Variants in NUP210L observed in about 807,000 individuals in gnomAD.
The protein encoded by NUP210L is nuclear pore membrane glycoprotein 210-like.
In NUP210L, 74 loss-of-function variants were observed where a neutral mutation model predicts 208.5. The observed-to-expected ratio is 0.35, with a 90% CI of 0.29 to 0.43. The LOEUF (loss-of-function observed/expected upper bound fraction) is 0.43, where lower values mean the gene tolerates loss of function less well. Ranked by LOEUF, NUP210L falls within the 20% of genes least tolerant of loss-of-function variation. NUP210L has a pLI of 1.00. For missense variants in NUP210L, 1,843 were observed against 2,289.4 expected (o/e 0.81, Z 3.98); for synonymous variants, 780 against 816.9 (o/e 0.95, Z 0.77).
Position 153,996,667 on chromosome 1 carries a change from C to T in NUP210L, c.5387-1487G>A, listed in dbSNP as rs555967697. On this transcript the variant is annotated intron_variant, in intron 37 of 39. Transcript: ENST00000368559. ...AACTCCTGACCTCAGGTGATCCACC[C>T]GCCTTGGCCTCCCAAAGTGCTGGAA... is the stretch of plus-strand genomic sequence containing the variant. Among the ~76,000 whole-genome samples the T allele has an allele frequency of 4.6e-5, 7 of 152,216 alleles. No homozygotes were observed. In the East Asian group the frequency reaches 1.4e-3, roughly 30 times the overall value.
chr1:154,096,867 G>A (rs1484794303), intron 14 of NUP210L, among the ~76,000 whole-genome samples: 1 of 152,028 alleles, frequency 6.6e-6, no homozygotes, highest in Non-Finnish European at 1.5e-5. Context: ...GATCCCTTGA[G>A]CCCAGGAATT....
chr1:153,999,455 TGGCCG>T (rs1474892654), intron 37 of NUP210L, among the ~76,000 whole-genome samples: 1 of 152,154 alleles, frequency 6.6e-6, no homozygotes, highest in Non-Finnish European at 1.5e-5. Context: ...TCAATAAGAT[TGGCCG>T]GGTGCGGTGG....
intron 17 of NUP210L, among the ~76,000 whole-genome samples, chr1:154,062,928 G>A (rs936745610): frequency 1.3e-5 from 2 of 151,912 alleles, no homozygotes; most frequent in African/African-American, 4.8e-5. Flanking sequence ...ACTTCACTTA[G>A]GTCAGTTTTA....
intron 10 of NUP210L, among the ~76,000 whole-genome samples, chr1:154,122,394 C>T (rs764245396): frequency 2.0e-5 from 3 of 152,190 alleles, no homozygotes; most frequent in African/African-American, 4.8e-5. Flanking sequence ...CGGTGGCTCA[C>T]GCCTGTAATC....
chr1:154,119,935 T>C (rs1237124288), intron 10 of NUP210L, among the ~76,000 whole-genome samples: 1 of 152,188 alleles, frequency 6.6e-6, no homozygotes, highest in Non-Finnish European at 1.5e-5. Flanking sequence ...GGTCAAATGG[T>C]ATTTCTAGTT....
intron 3 of NUP210L, 34 bp downstream of exon 3, chr1:154,143,412 A>C: frequency 1.3e-6 from 2 of 1,597,154 alleles, no homozygotes; most frequent in Non-Finnish European, 1.7e-6. Context: ...ACTTTATTTT[A>C]GGTAATTTTG....
intron 37 of NUP210L, among the ~76,000 whole-genome samples, chr1:153,996,257 A>G (rs896745048): frequency 6.6e-6 from 1 of 152,112 alleles, no homozygotes; most frequent in Non-Finnish European, 1.5e-5. Context: ...TCTCCACTGC[A>G]CTCCAGCCTG....
intron 37 of NUP210L, chr1:153,996,024 G>A (rs918375401): frequency 8.1e-6 from 3 of 370,092 alleles, no homozygotes; most frequent in South Asian, 2.1e-5. Flanking sequence ...CTGGCGTGGT[G>A]GCTCACACCT....
intron 33 of NUP210L, among the ~76,000 whole-genome samples, chr1:154,013,758 T>G (rs372368604): frequency 3.9e-5 from 6 of 152,208 alleles, no homozygotes; most frequent in South Asian, 4.2e-4. Flanking sequence ...TTGTAAGTTT[T>G]TTTGTTTGTT....
chr1:154,026,091 T>C (rs1571184766), intron 29 of NUP210L, among the ~76,000 whole-genome samples: 1 of 150,908 alleles, frequency 6.6e-6, no homozygotes, highest in Non-Finnish European at 1.5e-5. Context: ...AATTTTTAGC[T>C]GGGCATGATG....
intron 11 of NUP210L, among the ~76,000 whole-genome samples, chr1:154,118,437 CAGAACTTTATAAA>C (rs1657441095): frequency 6.6e-6 from 1 of 152,094 alleles, no homozygotes; most frequent in Non-Finnish European, 1.5e-5. Context: ...AAAGACACAA[CAGAACTTTATAAA>C]ACTCACAAGG....
At chr1:154,125,642 G>C (rs1441609952) in intron 10 of NUP210L, among the ~76,000 whole-genome samples, 3 of 904 alleles carry the variant, frequency 3.3e-3, no homozygotes, top group African/African-American at 6.7e-3. Flanking sequence ...AGGAAGGAAG[G>C]AAGGAAGGAA....
intron 14 of NUP210L, among the ~76,000 whole-genome samples, chr1:154,095,443 A>C (rs1343451530): frequency 6.6e-6 from 1 of 152,154 alleles, no homozygotes; most frequent in African/African-American, 2.4e-5. Flanking sequence ...TATCTGTACC[A>C]TTCATTTGTA....
intron 23 of NUP210L, among the ~76,000 whole-genome samples, chr1:154,055,597 T>G (rs1443737570): frequency 6.6e-6 from 1 of 152,102 alleles, no homozygotes; most frequent in Non-Finnish European, 1.5e-5. Context: ...GGTCTCCCTA[T>G]GTTACCCAGG....
intron 33 of NUP210L, among the ~76,000 whole-genome samples, chr1:154,013,231 G>T (rs1034359052): frequency 6.6e-6 from 1 of 151,982 alleles, no homozygotes; most frequent in African/African-American, 2.4e-5. Flanking sequence ...GAAGTCTTGG[G>T]TCCAATTATT....
At chr1:154,054,905 A>AT (rs3834774) in intron 23 of NUP210L, 73 bp from the exon 24 acceptor site, 38,037 of 828,898 alleles carry the variant, frequency 0.046, 2 homozygotes, top group South Asian at 0.06. Flanking sequence ...GGTCATTTAA[A>AT]TTTTTTTTTT....
At chr1:154,090,637 C>T (rs553472225) in intron 15 of NUP210L, among the ~76,000 whole-genome samples, 6 of 152,164 alleles carry the variant, frequency 3.9e-5, no homozygotes, top group Middle Eastern at 3.4e-3. Context: ...ATGGTGAAAC[C>T]CCGTCTCTAC....
At chr1:154,071,521 T>C (rs964820750) in intron 16 of NUP210L, among the ~76,000 whole-genome samples, 4 of 151,784 alleles carry the variant, frequency 2.6e-5, no homozygotes, top group African/African-American at 9.7e-5. Context: ...AGTTCCTACT[T>C]ATGAGTAAGA....
chr1:154,111,371 A>C (rs1455039044), intron 12 of NUP210L, among the ~76,000 whole-genome samples: 1 of 151,474 alleles, frequency 6.6e-6, no homozygotes. Flanking sequence ...CGACAGAGTG[A>C]GATTCAGTCT....
Sources: gnomAD v4.1 joint callset for allele counts (sites outside exome capture counted in the v4.1 genomes callset) on GRCh38, gnomAD v4.1.1 for gene constraint, MANE v1.5 for transcripts, NCBI Gene and HGNC (gene_info 2026-07-23, HGNC 2026-07-21) for gene names.